The following FBXO4 variants were observed in gnomAD, a reference collection of about 807,000 sequenced individuals.
FBXO4 encodes the protein F-box only protein 4.
A neutral mutation model predicts 43.7 loss-of-function variants in FBXO4; 36 were observed. The observed-to-expected ratio is 0.82, with a 90% confidence interval of 0.63 to 1.09. FBXO4 has a LOEUF of 1.09. Ranked by LOEUF, FBXO4 falls within the 50% of genes least tolerant of loss-of-function variation. The pLI, the probability that FBXO4 is intolerant of heterozygous loss-of-function variation, is 0.00. For synonymous variants in FBXO4, 180 were observed against 165.6 expected, an observed-to-expected ratio of 1.09 and a Z score of -0.67; for missense variants, 435 against 474.1, an observed-to-expected ratio of 0.92 and a Z score of 0.77.
chr5:42,036,491 G>C, the FBXO4 span, among the ~76,000 whole-genome samples: 1 of 152,212 alleles, frequency 6.6e-6, no homozygotes, highest in South Asian at 2.1e-4. Context: ...CGGGTCGTTA[G>C]CTCTTGTCTT....
chr5:42,033,866 G>T, the FBXO4 span, among the ~76,000 whole-genome samples: 1 of 152,124 alleles, frequency 6.6e-6, no homozygotes, highest in Non-Finnish European at 1.5e-5. Context: ...ATTCCTTTGG[G>T]TATATACCTA....
At chr5:41,951,496 T>A in the FBXO4 span, 1 of 248,162 alleles carries the variant, frequency 4.0e-6, no homozygotes, top group Non-Finnish European at 7.7e-6. Context: ...TGAACTCAGG[T>A]GCTGAAGAAG....
At chr5:41,936,683 A>G (rs1368713681) in intron 5 of FBXO4, among the ~76,000 whole-genome samples, 6 of 152,196 alleles carry the variant, frequency 3.9e-5, no homozygotes, top group Non-Finnish European at 2.9e-5. Flanking sequence ...ACAGATGAAT[A>G]GTTCCTTCAG....
chr5:41,948,265 A>G, the FBXO4 span, among the ~76,000 whole-genome samples: 2 of 151,488 alleles, frequency 1.3e-5, no homozygotes, highest in African/African-American at 4.9e-5. Flanking sequence ...CCTCCCAAGT[A>G]GCTGAGACTA....
chr5:42,031,643 A>G, the FBXO4 span, among the ~76,000 whole-genome samples: 1 of 152,084 alleles, frequency 6.6e-6, no homozygotes, highest in African/African-American at 2.4e-5. Context: ...CAAACAAAAA[A>G]AGAAAGGTCA....
the FBXO4 span, among the ~76,000 whole-genome samples, chr5:41,979,560 C>CA: frequency 6.6e-6 from 1 of 152,144 alleles, no homozygotes; most frequent in Admixed American, 6.5e-5. Context: ...TAACCACTCC[C>CA]AACATGGCCA....
the FBXO4 span, among the ~76,000 whole-genome samples, chr5:42,022,953 G>C: frequency 1.3e-5 from 2 of 151,870 alleles, no homozygotes; most frequent in Non-Finnish European, 2.9e-5. Flanking sequence ...AACAAATACA[G>C]GGTTTAAAAA....
the FBXO4 span, among the ~76,000 whole-genome samples, chr5:42,006,099 A>T: frequency 6.6e-6 from 1 of 152,110 alleles, no homozygotes; most frequent in Non-Finnish European, 1.5e-5. Context: ...AGGTGCACAG[A>T]TACAAAAGCT....
chr5:41,947,708 A>G, the FBXO4 span, among the ~76,000 whole-genome samples: 45 of 152,334 alleles, frequency 3.0e-4, no homozygotes, highest in Non-Finnish European at 5.7e-4. Flanking sequence ...GTAAGATAAA[A>G]TGAGAGAGGT....
At chr5:41,988,037 A>AT in the FBXO4 span, among the ~76,000 whole-genome samples, 2 of 152,002 alleles carry the variant, frequency 1.3e-5, no homozygotes, top group South Asian at 2.1e-4. Context: ...ATGTCTTGTA[A>AT]TTTTTTCTTG....
the FBXO4 span, among the ~76,000 whole-genome samples, chr5:42,032,722 C>A: frequency 6.6e-6 from 1 of 152,096 alleles, no homozygotes; most frequent in African/African-American, 2.4e-5. Context: ...GGTGCTCTAC[C>A]CCCCCGTGGC....
the FBXO4 span, among the ~76,000 whole-genome samples, chr5:41,948,807 A>T: frequency 6.6e-6 from 1 of 152,134 alleles, no homozygotes; most frequent in African/African-American, 2.4e-5. Context: ...CTTTTAGTGC[A>T]GTTCTGCTGG....
the FBXO4 span, among the ~76,000 whole-genome samples, chr5:42,031,169 A>T: frequency 3.9e-4 from 59 of 151,992 alleles, 1 homozygote; most frequent in South Asian, 8.3e-4. Flanking sequence ...GTATGTTTAT[A>T]GTGGCACTAT....
At chr5:41,984,730 C>T in the FBXO4 span, among the ~76,000 whole-genome samples, 1 of 152,102 alleles carries the variant, frequency 6.6e-6, no homozygotes, top group Admixed American at 6.5e-5. Context: ...AGGCTGGTCT[C>T]GAAATCCTGA....
chr5:41,933,102 A>G (rs1336562333), intron 3 of FBXO4, among the ~76,000 whole-genome samples: 2 of 152,244 alleles, frequency 1.3e-5, no homozygotes, highest in African/African-American at 4.8e-5. Flanking sequence ...ACTGAGGGAT[A>G]CAAATACATG....
chr5:41,946,544 T>C (rs1473532694), downstream of FBXO4, among the ~76,000 whole-genome samples: 2 of 152,168 alleles, frequency 1.3e-5, no homozygotes, highest in Non-Finnish European at 2.9e-5. Context: ...GCAGAAACGA[T>C]CTATTTCATG....
At chr5:41,948,848 C>T in the FBXO4 span, among the ~76,000 whole-genome samples, 91 of 152,054 alleles carry the variant, frequency 6.0e-4, no homozygotes, top group Middle Eastern at 3.4e-3. Context: ...TGTATGCCTC[C>T]AAAAAGCTTA....
chr5:41,992,652 T>C, the FBXO4 span, among the ~76,000 whole-genome samples: 1 of 152,216 alleles, frequency 6.6e-6, no homozygotes, highest in African/African-American at 2.4e-5. Flanking sequence ...TTAATTACAA[T>C]GGCCGGTTAT....
At chr5:41,997,334 A>T in the FBXO4 span, among the ~76,000 whole-genome samples, 1 of 152,236 alleles carries the variant, frequency 6.6e-6, no homozygotes, top group Non-Finnish European at 1.5e-5. Context: ...TGTGGTGAGA[A>T]TCACTATCCC....
Sources: gnomAD v4.1 joint callset for allele counts (sites outside exome capture counted in the v4.1 genomes callset) on GRCh38, gnomAD v4.1.1 for gene constraint, MANE v1.5 for transcripts, NCBI Gene and HGNC (gene_info 2026-07-23, HGNC 2026-07-21) for gene names.